Variants in GUCY1A1 observed in about 807,000 individuals in gnomAD.
GUCY1A1 encodes guanylate cyclase 1 soluble subunit alpha 1, also known as guanylate cyclase soluble subunit alpha-1.
GUCY1A1 carries 48 observed loss-of-function variants against 64.5 expected under a neutral mutation model. The ratio of observed to expected loss-of-function variants is 0.74; its 90% CI spans 0.59 to 0.95. The LOEUF is 0.95. Ranked by LOEUF, GUCY1A1 falls within the 40% of genes least tolerant of loss-of-function variation. The pLI, the probability that GUCY1A1 is intolerant of heterozygous loss-of-function variation, is 0.00. For synonymous variants in GUCY1A1, 308 were observed against 303.4 expected (o/e 1.02, Z -0.16); for missense variants, 804 against 825.3 (o/e 0.97, Z 0.32).
intron 2 of GUCY1A1, among the ~76,000 whole-genome samples, chr4:155,673,740 C>T (rs1289555760): frequency 6.6e-6 from 1 of 151,384 alleles, no homozygotes; most frequent in Non-Finnish European, 1.5e-5. Context: ...TTGTGGAGAA[C>T]ACCACTTTTC....
chr4:155,692,375 CT>C (rs142282158), intron 2 of GUCY1A1, among the ~76,000 whole-genome samples: 1,534 of 152,270 alleles, frequency 0.01, 20 homozygotes, highest in African/African-American at 0.035. Flanking sequence ...GCCACACTCT[CT>C]TCCACAATGG....
At chr4:155,676,969 C>T (rs189240789) in intron 2 of GUCY1A1, among the ~76,000 whole-genome samples, 6 of 151,524 alleles carry the variant, frequency 4.0e-5, no homozygotes, top group Non-Finnish European at 7.3e-5. Flanking sequence ...TTCTTCATGT[C>T]CCCATCACAA....
chr4:155,697,028 A>T lies in GUCY1A1; in HGVS notation c.161A>T (p.Asn54Ile). The change falls in exon 3 of 10, where the codon AAC (asparagine) becomes ATC (isoleucine). Residue 54 changes from asparagine (N) to isoleucine (I), a missense_variant. Asn to Ile is a moderately radical substitution (Grantham distance 149). Transcript: ENST00000506455. ...ATCTGTCAAGACATTCCTGAGAAGA[A>T]CATACAAGAAAGTCTTCCTCAAAGA... Reference protein sequence around the residue: ...VPICQDIPEKNIQESLPQRKT... With the variant: ...VPICQDIPEKIIQESLPQRKT... 6.2e-7 allele frequency: 1 copy of T among 1,612,874 alleles called. No homozygotes were observed. The highest frequency in any genetic ancestry group is 8.5e-7 in the Non-Finnish European group (1 of 1,178,886).
At chr4:155,681,520 G>A (rs1174206321) in intron 2 of GUCY1A1, among the ~76,000 whole-genome samples, 3 of 151,794 alleles carry the variant, frequency 2.0e-5, no homozygotes, top group Non-Finnish European at 4.4e-5. Context: ...TCAAAATTTT[G>A]CCTTAAAAGC....
intron 2 of GUCY1A1, among the ~76,000 whole-genome samples, chr4:155,694,558 G>A (rs1354320153): frequency 6.6e-6 from 1 of 152,080 alleles, no homozygotes; most frequent in East Asian, 1.9e-4. Flanking sequence ...CTACAACCAG[G>A]GGTCAGCAAA....
intron 7 of GUCY1A1, among the ~76,000 whole-genome samples, chr4:155,715,416 A>G (rs1415366132): frequency 6.6e-6 from 1 of 151,796 alleles, no homozygotes; most frequent in African/African-American, 2.4e-5. Flanking sequence ...GTGTTCATTT[A>G]CCCATTGTTT....
intron 2 of GUCY1A1, among the ~76,000 whole-genome samples, chr4:155,694,879 A>C (rs1730219646): frequency 6.6e-6 from 1 of 152,232 alleles, no homozygotes; most frequent in Non-Finnish European, 1.5e-5. Flanking sequence ...TTATTACATT[A>C]AGTCCCAAAA....
At chr4:155,703,819 G>C (rs1386041187) in intron 3 of GUCY1A1, 113 bp from the exon 4 acceptor site, 1 of 685,168 alleles carries the variant, frequency 1.5e-6, no homozygotes, top group African/African-American at 1.8e-5. Flanking sequence ...TCAAGCAATT[G>C]TATAATGTGC....
At chr4:155,674,771 T>C (rs1039998998) in intron 2 of GUCY1A1, among the ~76,000 whole-genome samples, 1 of 151,606 alleles carries the variant, frequency 6.6e-6, no homozygotes, top group African/African-American at 2.4e-5. Flanking sequence ...CCTGAGGCTG[T>C]TTTACGGTTA....
chr4:155,717,352 A>G lies in GUCY1A1; in HGVS notation c.1716+50A>G, dbSNP rs201866061. On this transcript the variant is annotated intron_variant, in intron 8 of 9. Transcript: ENST00000506455. ...AAAGATGTCACAAGAGCAAATGCGT[A>G]TAGTTGATTACCAAAACCATGGTGT... 84 of 1,362,732 alleles carry G rather than the reference A, an allele frequency of 6.2e-5. 1 individual carries two copies. In the African/African-American group the frequency reaches 1.1e-3, roughly 18 times the overall value. The allele number at this position is 1,362,732 out of a possible 1,614,324, so 84.4% of individuals were successfully genotyped here.
intron 2 of GUCY1A1, among the ~76,000 whole-genome samples, chr4:155,682,176 C>T (rs1202584147): frequency 2.6e-5 from 4 of 151,968 alleles, no homozygotes; most frequent in African/African-American, 9.6e-5. Flanking sequence ...TGTGGCGTGC[C>T]CCTTGCCAAA....
Position 155,736,959 on chromosome 4 carries a change from CTA to C in GUCY1A1, c.*6730_*6731del, listed in dbSNP as rs1307580231. 6.6e-6 allele frequency: 1 copy of C among 151,892 alleles called. No homozygotes were observed. Among genetic ancestry groups the C allele is most frequent in the East Asian group, 1.9e-4 (1 of 5,170 alleles). The allele number at this position is 151,892 out of a possible 1,614,324, so 9.4% of individuals were successfully genotyped here. A position where few individuals can be genotyped will look rare whatever the true frequency, so the allele number is the denominator to read the frequency against. On this transcript the variant is annotated 3_prime_UTR_variant, in exon 10 of 10. Transcript: ENST00000506455. Reference sequence around the variant, plus strand: ...TTTACTTCTGGCTGAGTTGCAAAGTCTATGAGAATGTTACCTCCTGTCTCAGA... The same window carrying C: ...TTTACTTCTGGCTGAGTTGCAAAGTCTGAGAATGTTACCTCCTGTCTCAGA...
At chr4:155,668,865 T>C (rs982536055) in intron 2 of GUCY1A1, among the ~76,000 whole-genome samples, 3 of 139,828 alleles carry the variant, frequency 2.1e-5, no homozygotes, top group African/African-American at 8.2e-5. Context: ...TGTTCAGCCA[T>C]TAAACAACTG....
intron 2 of GUCY1A1, among the ~76,000 whole-genome samples, chr4:155,687,832 A>G (rs1435107088): frequency 6.6e-6 from 1 of 152,158 alleles, no homozygotes; most frequent in Non-Finnish European, 1.5e-5. Context: ...ACAACTGGGC[A>G]TGGCACCTAC....
chr4:155,707,798 C>G (rs1731981964), intron 4 of GUCY1A1, among the ~76,000 whole-genome samples: 1 of 151,164 alleles, frequency 6.6e-6, no homozygotes, highest in Non-Finnish European at 1.5e-5. Context: ...TTTGCTTCTA[C>G]AGAAAAGGGA....
intron 8 of GUCY1A1, among the ~76,000 whole-genome samples, chr4:155,720,166 A>G (rs1733772311): frequency 6.6e-6 from 1 of 152,154 alleles, no homozygotes; most frequent in African/African-American, 2.4e-5. Flanking sequence ...TTTACATTTT[A>G]ATTATGAAAC....
intron 2 of GUCY1A1, among the ~76,000 whole-genome samples, chr4:155,691,224 A>G (rs539039885): frequency 6.6e-6 from 1 of 152,322 alleles, no homozygotes; most frequent in East Asian, 1.9e-4. Context: ...TAAAGGGAGA[A>G]TGGTAGTGCT....
In GUCY1A1 at chr4:155,722,210, C is replaced by T; in HGVS notation, c.1871+18C>T. On this transcript the variant is annotated intron_variant, in intron 9 of 9. Coordinates refer to ENST00000506455, the MANE Select transcript of GUCY1A1 (RefSeq NM_001130682.3). ...ACTTACAGGTAGTAATTATGTTAAA[C>T]ACCTAAAATCTCTTGTTTTTATTTA... 6.2e-7 allele frequency: 1 copy of T among 1,602,336 alleles called. No homozygotes were observed. Among genetic ancestry groups the T allele is most frequent in the Non-Finnish European group, 8.5e-7 (1 of 1,173,820 alleles).
chr4:155,698,051 A>G (rs918770465), intron 3 of GUCY1A1, among the ~76,000 whole-genome samples: 3 of 152,204 alleles, frequency 2.0e-5, no homozygotes, highest in African/African-American at 7.2e-5. Flanking sequence ...CCAAAGAAAC[A>G]TGGACTGGCT....
Sources: allele counts gnomAD v4.1 joint callset (sites outside exome capture counted in the v4.1 genomes callset), GRCh38; gene constraint gnomAD v4.1.1; transcripts MANE v1.5; gene names NCBI Gene and HGNC (gene_info 2026-07-23, HGNC 2026-07-21).